Variants in UGT8 observed in about 807,000 individuals in gnomAD.
The protein encoded by UGT8 is 2-hydroxyacylsphingosine 1-beta-galactosyltransferase.
A neutral mutation model predicts 40.5 loss-of-function variants in UGT8; 12 were observed. The ratio of observed to expected loss-of-function variants is 0.30; its 90% confidence interval spans 0.19 to 0.48. The LOEUF (loss-of-function observed/expected upper bound fraction) is 0.48, where lower values mean the gene tolerates loss of function less well. Among genes scored for constraint, UGT8 ranks in the 20% least tolerant of loss-of-function variants. The pLI is 0.99. For missense variants in UGT8, 513 were observed against 648.7 expected, an observed-to-expected ratio of 0.79 and a Z score of 2.27; for synonymous variants, 224 against 240.4, an observed-to-expected ratio of 0.93 and a Z score of 0.63.
chr4:114,627,546 C>T, intron 2 of UGT8, among the ~76,000 whole-genome samples: 1 of 152,112 alleles, frequency 6.6e-6, no homozygotes, highest in Admixed American at 6.5e-5. Flanking sequence ...GTGTGAGCCA[C>T]CGCGCCTGGC....
intron 2 of UGT8, among the ~76,000 whole-genome samples, chr4:114,660,783 C>T (rs1734472857): frequency 1.3e-5 from 2 of 150,130 alleles, no homozygotes; most frequent in Admixed American, 6.7e-5. Context: ...CCCAGCTACT[C>T]GGGAGGCTGA....
chr4:114,666,444 A>G (rs576467392), intron 4 of UGT8, among the ~76,000 whole-genome samples: 161 of 152,244 alleles, frequency 1.1e-3, no homozygotes, highest in Non-Finnish European at 2.0e-3. Context: ...TTATTTATGT[A>G]TATAATTTAT....
intron 1 of UGT8, among the ~76,000 whole-genome samples, chr4:114,603,511 G>A (rs989855498): frequency 3.3e-5 from 5 of 152,086 alleles, no homozygotes; most frequent in African/African-American, 1.2e-4. Flanking sequence ...AAAGAAAAAC[G>A]AGAAGGTACA....
chr4:114,607,483 C>T (rs1271622911), intron 1 of UGT8, among the ~76,000 whole-genome samples: 1 of 152,104 alleles, frequency 6.6e-6, no homozygotes, highest in Non-Finnish European at 1.5e-5. Flanking sequence ...TTCTTCCTTC[C>T]TGGCATTTTT....
chr4:114,607,177 A>G (rs1051299104), intron 1 of UGT8, among the ~76,000 whole-genome samples: 4 of 152,178 alleles, frequency 2.6e-5, no homozygotes, highest in African/African-American at 9.7e-5. Flanking sequence ...TTTACAGCTC[A>G]TAACTTGGTA....
chr4:114,625,310 C>T (rs1041172538), intron 2 of UGT8, among the ~76,000 whole-genome samples: 6 of 151,976 alleles, frequency 3.9e-5, no homozygotes, highest in Admixed American at 2.6e-4. Flanking sequence ...TCCAGGAGTT[C>T]GAGACCAGCC....
chr4:114,672,546 C>G (rs1056639824), intron 5 of UGT8, among the ~76,000 whole-genome samples: 1 of 152,116 alleles, frequency 6.6e-6, no homozygotes, highest in Non-Finnish European at 1.5e-5. Flanking sequence ...AGCCATCATC[C>G]TCAGCACATA....
chr4:114,662,092 C>G (rs980831218), intron 2 of UGT8, among the ~76,000 whole-genome samples: 3 of 152,162 alleles, frequency 2.0e-5, no homozygotes, highest in Admixed American at 6.5e-5. Context: ...GATATAGTCT[C>G]TATTTCTTTT....
chr4:114,602,950 A>G (rs1003499786), intron 1 of UGT8, among the ~76,000 whole-genome samples: 1 of 152,210 alleles, frequency 6.6e-6, no homozygotes, highest in African/African-American at 2.4e-5. Context: ...AGAAGGATGG[A>G]TCTGAGGAAT....
At chr4:114,611,897 C>A (rs891527856) in intron 1 of UGT8, among the ~76,000 whole-genome samples, 2 of 152,062 alleles carry the variant, frequency 1.3e-5, no homozygotes, top group Non-Finnish European at 2.9e-5. Context: ...TTCTTGGGCT[C>A]ATCCCAGATC....
intron 2 of UGT8, among the ~76,000 whole-genome samples, chr4:114,642,288 A>G (rs1190626236): frequency 1.3e-5 from 2 of 152,056 alleles, no homozygotes; most frequent in Admixed American, 6.6e-5. Context: ...TTTAAGGGAA[A>G]CGATCTATTT....
At chr4:114,632,306 T>G (rs1251584484) in intron 2 of UGT8, among the ~76,000 whole-genome samples, 1 of 152,220 alleles carries the variant, frequency 6.6e-6, no homozygotes. Flanking sequence ...ATGTCTTCCT[T>G]TGTCCTAAAA....
Position 114,674,201 on chromosome 4 carries a change from G to T in UGT8, c.1263-1724G>T, listed in dbSNP as rs189511379. ...TTATAGCTCCATCCTCACATTTCTA[G>T]TGGCTCTCTCGACCTTTCCTTTCAT... On this transcript the variant is annotated intron_variant, in intron 5 of 5. Coordinates refer to ENST00000310836, the MANE Select transcript of UGT8 (RefSeq NM_001128174.3). Among the ~76,000 whole-genome samples the T allele has an allele frequency of 1.1e-3, 169 of 152,190 alleles. 1 individual carries two copies. Among genetic ancestry groups the T allele is most frequent in the African/African-American group, 3.1e-3 (130 of 41,516 alleles).
At chr4:114,643,729 A>G (rs1378463536) in intron 2 of UGT8, among the ~76,000 whole-genome samples, 3 of 152,170 alleles carry the variant, frequency 2.0e-5, no homozygotes, top group Non-Finnish European at 2.9e-5. Flanking sequence ...AGCATATTAC[A>G]TAAGAGTTAG....
chr4:114,649,456 G>A (rs1733771379), intron 2 of UGT8, among the ~76,000 whole-genome samples: 1 of 152,136 alleles, frequency 6.6e-6, no homozygotes, highest in East Asian at 1.9e-4. Context: ...TTATTTTTGT[G>A]TCACATAAAG....
intron 2 of UGT8, among the ~76,000 whole-genome samples, chr4:114,647,556 G>A (rs966620501): frequency 6.6e-6 from 1 of 151,964 alleles, no homozygotes; most frequent in Non-Finnish European, 1.5e-5. Flanking sequence ...AGTAGAGGCG[G>A]GGTTTCACCA....
At chr4:114,604,368 A>G (rs186046203) in intron 1 of UGT8, among the ~76,000 whole-genome samples, 5 of 152,210 alleles carry the variant, frequency 3.3e-5, no homozygotes, top group South Asian at 2.1e-4. Flanking sequence ...AGGCACCTCT[A>G]TACCTCATAG....
At chr4:114,603,148 A>G (rs1730536455) in intron 1 of UGT8, among the ~76,000 whole-genome samples, 1 of 152,098 alleles carries the variant, frequency 6.6e-6, no homozygotes, top group Admixed American at 6.6e-5. Context: ...GTATAGGAGG[A>G]TGGGATGGGA....
intron 1 of UGT8, among the ~76,000 whole-genome samples, chr4:114,602,603 T>G (rs1730505031): frequency 6.6e-6 from 1 of 152,198 alleles, no homozygotes; most frequent in South Asian, 2.1e-4. Flanking sequence ...GTGCATACAA[T>G]TAAGGCCCTG....
Sources: allele counts gnomAD v4.1 joint callset (sites outside exome capture counted in the v4.1 genomes callset), GRCh38; gene constraint gnomAD v4.1.1; transcripts MANE v1.5; gene names NCBI Gene and HGNC (gene_info 2026-07-23, HGNC 2026-07-21).